APIP: variants seen among roughly 807,000 people sequenced by gnomAD.
APIP encodes the protein APAF1 interacting protein, also known as methylthioribulose-1-phosphate dehydratase.
A neutral mutation model predicts 32.0 loss-of-function variants in APIP; 32 were observed. The ratio of observed to expected loss-of-function variants is 1.00; its 90% confidence interval spans 0.76 to 1.34. The LOEUF is 1.34. Among genes scored for constraint, APIP ranks in the 40% most tolerant of loss-of-function variants. APIP has a pLI of 0.00. For missense variants in APIP, 247 were observed against 298.6 expected, an observed-to-expected ratio of 0.83 and a Z score of 1.27; for synonymous variants, 92 against 94.8, an observed-to-expected ratio of 0.97 and a Z score of 0.17.
intron 1 of APIP, among the ~76,000 whole-genome samples, chr11:34,896,028 C>CA (rs1170009345): frequency 6.6e-6 from 1 of 152,068 alleles, no homozygotes; most frequent in African/African-American, 2.4e-5. Context: ...TAAAGTTTCA[C>CA]AGGGGCCATA....
At chr11:34,897,523 T>A (rs2133913409) in intron 1 of APIP, among the ~76,000 whole-genome samples, 1 of 152,174 alleles carries the variant, frequency 6.6e-6, no homozygotes, top group African/African-American at 2.4e-5. Flanking sequence ...GAGGGTAAGG[T>A]TGGTAAGGTT....
chr11:34,883,546 C>A (rs1453680342), intron 5 of APIP, 42 bp from the exon 6 acceptor site: 1 of 1,594,652 alleles, frequency 6.3e-7, no homozygotes, highest in South Asian at 1.1e-5. Context: ...TAAAACAAAT[C>A]AAGCATTGAT....
At chr11:34,906,236 G>A (rs940715586) in intron 1 of APIP, among the ~76,000 whole-genome samples, 2 of 152,032 alleles carry the variant, frequency 1.3e-5, no homozygotes, top group South Asian at 4.2e-4. Flanking sequence ...TACTATAGTA[G>A]CACTAGTTCC....
At chr11:34,908,265 C>T (rs1853488113) in intron 1 of APIP, among the ~76,000 whole-genome samples, 1 of 152,208 alleles carries the variant, frequency 6.6e-6, no homozygotes, top group Admixed American at 6.5e-5. Context: ...CAGGATTCCA[C>T]AACTGAGAGT....
intron 1 of APIP, among the ~76,000 whole-genome samples, chr11:34,897,845 G>T (rs1241502962): frequency 6.6e-6 from 1 of 151,994 alleles, no homozygotes; most frequent in Non-Finnish European, 1.5e-5. Flanking sequence ...CTACCTGAGT[G>T]ACATACCTGG....
chr11:34,886,463 A>G lies in APIP; in HGVS notation c.461+1830T>C, dbSNP rs115970308. Among the ~76,000 whole-genome samples, 1,137 of 152,284 alleles carry G rather than the reference A, an allele frequency of 7.5e-3. 17 individuals carry two copies. Among genetic ancestry groups the G allele is most frequent in the African/African-American group, 0.026 (1,091 of 41,572 alleles). ...AAAAAAAAAAAGTAAAAGCTTGATA[A>G]ACTAAAAAAGTTACAGTAAGCTGAG... On this transcript the variant is annotated intron_variant, in intron 5 of 6. Coordinates refer to ENST00000395787, the MANE Select transcript of APIP (RefSeq NM_015957.4).
chr11:34,902,465 C>T (rs555772248), intron 1 of APIP, among the ~76,000 whole-genome samples: 3 of 152,130 alleles, frequency 2.0e-5, no homozygotes, highest in African/African-American at 7.2e-5. Context: ...CTCTGCAAAA[C>T]CTCAGTGAAG....
intron 1 of APIP, among the ~76,000 whole-genome samples, chr11:34,902,565 C>CA (rs1853385389): frequency 6.6e-6 from 1 of 152,204 alleles, no homozygotes; most frequent in Admixed American, 6.5e-5. Flanking sequence ...CCCAAACCCT[C>CA]AAGCAACTAA....
At chr11:34,898,786 GTTTTTTTTTT>G (rs57593563) in intron 1 of APIP, among the ~76,000 whole-genome samples, 1 of 55,164 alleles carries the variant, frequency 1.8e-5, no homozygotes, top group Non-Finnish European at 3.1e-5. Flanking sequence ...TCTTTCTTTG[GTTTTTTTTTT>G]TTTTTTTTTT....
In APIP at chr11:34,896,178, G is replaced by A. The variant is rs1289791495; in HGVS notation, c.58-1068C>T. ...GAGTGTAAATTAGTTCAACCATTGT[G>A]GAAGACAGTGTGGCGATTCCTCAAG... On this transcript the variant is annotated intron_variant, in intron 1 of 6. Transcript: ENST00000395787. Among the ~76,000 whole-genome samples, 4 of 152,286 alleles carry A rather than the reference G, an allele frequency of 2.6e-5. No individual in the cohort carries two copies. In the East Asian group the frequency reaches 5.8e-4, roughly 22 times the overall value.
At chr11:34,900,613 A>C (rs1223322446) in intron 1 of APIP, among the ~76,000 whole-genome samples, 2 of 152,138 alleles carry the variant, frequency 1.3e-5, no homozygotes, top group Non-Finnish European at 2.9e-5. Context: ...TGAAAAGCAG[A>C]AAGTTCTGCA....
chr11:34,916,065 C>G, intron 1 of APIP, 163 bp downstream of exon 1: 1 of 940,578 alleles, frequency 1.1e-6, no homozygotes, highest in Non-Finnish European at 1.5e-6. Context: ...GCCTTGCTTC[C>G]GAACGCCAAG....
Position 34,883,427 on chromosome 11 carries a change from G to T in APIP, c.539C>A (p.Ala180Glu), listed in dbSNP as rs1188592947. 1.9e-6 allele frequency: 3 copies of T among 1,614,002 alleles called. No individual in the cohort carries two copies. The highest frequency in any genetic ancestry group is 2.5e-6 in the Non-Finnish European group (3 of 1,179,954). ...EKDLKDRMAH[A>E]MNEYPDSCAV... is the part of the protein sequence containing the mutation. ...ACAGGAGTCTGGGTATTCATTCATT[G>T]CATGAGCCATTCTATCTTTGAGGTC... The change falls in exon 6 of 7, where the codon GCA becomes GAA. Residue 180 changes from alanine to glutamate, a missense_variant. Transcript: ENST00000395787.
chr11:34,900,869 G>A (rs183405706), intron 1 of APIP, among the ~76,000 whole-genome samples: 7 of 152,142 alleles, frequency 4.6e-5, no homozygotes, highest in East Asian at 3.9e-4. Context: ...ACTCTAAACT[G>A]TCCATGATAG....
At chr11:34,888,692 C>G (rs1396205944) in intron 4 of APIP, 60 bp downstream of exon 4, 1 of 1,288,274 alleles carries the variant, frequency 7.8e-7, no homozygotes, top group Non-Finnish European at 1.1e-6. Context: ...TAATAATTAC[C>G]ATTATTTAGA....
chr11:34,891,652 G>A (rs1406657313), intron 2 of APIP, among the ~76,000 whole-genome samples: 1 of 152,130 alleles, frequency 6.6e-6, no homozygotes, highest in East Asian at 1.9e-4. Context: ...AGGTTCCACT[G>A]ATAAAGTCTA....
At chr11:34,900,584 G>C (rs1266077941) in intron 1 of APIP, among the ~76,000 whole-genome samples, 1 of 152,098 alleles carries the variant, frequency 6.6e-6, no homozygotes, top group Non-Finnish European at 1.5e-5. Context: ...TTGCTGCTAC[G>C]TCAGACCCTC....
At chr11:34,893,582 T>C (rs1400314670) in intron 2 of APIP, among the ~76,000 whole-genome samples, 1 of 152,216 alleles carries the variant, frequency 6.6e-6, no homozygotes, top group African/African-American at 2.4e-5. Context: ...TATTTACACA[T>C]TAGCAACTAG....
chr11:34,916,322 C>A lies in APIP; in HGVS notation c.-38G>T. On this transcript the variant is annotated 5_prime_UTR_variant, in exon 1 of 7. Coordinates refer to ENST00000395787, the MANE Select transcript of APIP (RefSeq NM_015957.4). ...GGACCCGCGCGGCCTCCAATCTCCG[C>A]ACGGCTTTGCGCGCGGCGCTTAGCC... 6.2e-7 allele frequency: 1 copy of A among 1,607,648 alleles called. No individual in the cohort carries two copies. The highest frequency in any genetic ancestry group is 1.3e-5 in the African/African-American group (1 of 74,934).
Sources: gnomAD v4.1 joint callset for allele counts (sites outside exome capture counted in the v4.1 genomes callset) on GRCh38, gnomAD v4.1.1 for gene constraint, MANE v1.5 for transcripts, NCBI Gene and HGNC (gene_info 2026-07-23, HGNC 2026-07-21) for gene names.